Variants in NTN1 observed in about 807,000 individuals in gnomAD.
NTN1 encodes netrin 1.
NTN1 carries 11 observed loss-of-function variants against 54.2 expected under a neutral mutation model. The ratio of observed to expected loss-of-function variants is 0.20; its 90% CI spans 0.13 to 0.34. The LOEUF (loss-of-function observed/expected upper bound fraction) is 0.34, where lower values mean the gene tolerates loss of function less well. Among genes scored for constraint, NTN1 ranks in the 10% least tolerant of loss-of-function variants. The probability of loss-of-function intolerance (pLI) is 1.00; values close to 1 mark genes in which losing one functional copy is unlikely to be tolerated. For synonymous variants in NTN1, 371 were observed against 382.0 expected (o/e 0.97, Z 0.33); for missense variants, 740 against 893.1 (o/e 0.83, Z 2.18).
At chr17:9,075,437 A>C (rs2092046117) in intron 2 of NTN1, among the ~76,000 whole-genome samples, 1 of 152,164 alleles carries the variant, frequency 6.6e-6, no homozygotes, top group Non-Finnish European at 1.5e-5. Context: ...AGCCAAGATC[A>C]CGCCACTGCA....
At chr17:9,027,461 C>T (rs543807780) in intron 2 of NTN1, among the ~76,000 whole-genome samples, 4 of 152,150 alleles carry the variant, frequency 2.6e-5, no homozygotes, top group Non-Finnish European at 4.4e-5. Flanking sequence ...TCCAGCCTGA[C>T]GTTTGTGCTT....
At chr17:9,167,979 T>G (rs2092377583) in intron 3 of NTN1, among the ~76,000 whole-genome samples, 1 of 152,160 alleles carries the variant, frequency 6.6e-6, no homozygotes, top group Admixed American at 6.5e-5. Flanking sequence ...CTGGTTTAAT[T>G]AATGGGTCCA....
intron 5 of NTN1, among the ~76,000 whole-genome samples, chr17:9,204,935 T>TTG (rs955508455): frequency 2.0e-5 from 3 of 151,856 alleles, no homozygotes; most frequent in African/African-American, 4.8e-5. Flanking sequence ...CTCATTTTTT[T>TTG]TTTTTTCTGA....
At chr17:9,183,027 G>A (rs77908798) in intron 5 of NTN1, 58 bp downstream of exon 5, 28,716 of 1,550,702 alleles carry the variant, frequency 0.019, 1,367 homozygotes, top group African/African-American at 0.17. Context: ...GGGTGGTGGG[G>A]TGGGTTAATG....
intron 2 of NTN1, among the ~76,000 whole-genome samples, chr17:9,093,702 G>A (rs1466210521): frequency 4.6e-5 from 7 of 152,154 alleles, no homozygotes; most frequent in Admixed American, 2.6e-4. Context: ...GGCTGGGCGC[G>A]GTGGCTCACG....
intron 2 of NTN1, among the ~76,000 whole-genome samples, chr17:9,110,594 A>C (rs920571067): frequency 1.3e-5 from 2 of 152,006 alleles, no homozygotes; most frequent in Admixed American, 6.6e-5. Context: ...TTTTCTATCT[A>C]GGTGTGCTAG....
chr17:9,146,320 G>T (rs909333587), intron 2 of NTN1, among the ~76,000 whole-genome samples: 2 of 152,198 alleles, frequency 1.3e-5, no homozygotes, highest in African/African-American at 4.8e-5. Context: ...GGAAGTGGCA[G>T]GTGTGAACTG....
chr17:9,020,250 G>A (rs371105908), upstream of NTN1, among the ~76,000 whole-genome samples: 2 of 152,248 alleles, frequency 1.3e-5, no homozygotes, highest in African/African-American at 4.8e-5. Flanking sequence ...CTTTTCATCC[G>A]GGTCTATTAC....
At position 9,240,131 on chromosome 17, in the gene NTN1, C is replaced by A. The variant is rs1906152378; in HGVS notation, c.*163C>A. On this transcript the variant is annotated 3_prime_UTR_variant, in exon 7 of 7. Transcript: ENST00000173229. Reference sequence around the variant, plus strand: ...CGCGGGGGGCGGGACCCTCGGCGGCCCCTCCCCCTACCCCCACCCTGCGCG... The same window carrying A: ...CGCGGGGGGCGGGACCCTCGGCGGCACCTCCCCCTACCCCCACCCTGCGCG... 1.1e-5 allele frequency: 3 copies of A among 282,572 alleles called. No homozygotes were observed. The highest frequency in any genetic ancestry group is 1.6e-5 in the Non-Finnish European group (3 of 183,482). The allele number at this position is 282,572 out of a possible 1,614,324, so 17.5% of individuals were successfully genotyped here. A position where few individuals can be genotyped will look rare whatever the true frequency, so the allele number is the denominator to read the frequency against.
chr17:9,209,070 C>T (rs1024714508), intron 5 of NTN1, among the ~76,000 whole-genome samples: 8 of 152,242 alleles, frequency 5.3e-5, no homozygotes, highest in African/African-American at 1.4e-4. Context: ...AGCACCTTCT[C>T]ATCCTTCAGG....
At chr17:9,014,441 T>C in the NTN1 span, among the ~76,000 whole-genome samples, 2 of 152,176 alleles carry the variant, frequency 1.3e-5, no homozygotes. Context: ...TCCTTTCAGA[T>C]CCAAGTTTTA....
chr17:9,074,850 A>T (rs58231236), intron 2 of NTN1, among the ~76,000 whole-genome samples: 2,553 of 152,314 alleles, frequency 0.017, 65 homozygotes, highest in African/African-American at 0.058. Flanking sequence ...CCCAAGGGCA[A>T]TTCTCAAAGG....
Position 9,022,727 on chromosome 17 carries a change from G to A in NTN1, c.354G>A (p.Thr118=), listed in dbSNP as rs1300296611. Residue 118 remains threonine, a synonymous_variant, in exon 2 of 7, where the codon ACG becomes ACA. Transcript: ENST00000173229. The part of the protein sequence containing the change: ...LTDLNNPHNL[T]CWQSENYLQF... ...ACCTCAACAACCCGCACAACCTGAC[G>A]TGCTGGCAGTCCGAGAACTACCTGC... 1 of 1,606,206 alleles carries A rather than the reference G, an allele frequency of 6.2e-7. No individual in the cohort carries two copies. The highest frequency in any genetic ancestry group is 8.5e-7 in the Non-Finnish European group (1 of 1,177,092).
intron 2 of NTN1, among the ~76,000 whole-genome samples, chr17:9,073,584 A>G (rs2092039674): frequency 6.6e-6 from 1 of 152,228 alleles, no homozygotes; most frequent in East Asian, 1.9e-4. Flanking sequence ...ATCCTCCAGC[A>G]TCTGCCCTCC....
Position 9,058,385 on chromosome 17 carries a change from T to A in NTN1, c.1018+34994T>A, listed in dbSNP as rs116520735. Among the ~76,000 whole-genome samples, 950 of 152,144 alleles carry A rather than the reference T, an allele frequency of 6.2e-3. 15 individuals are homozygous for A. Among genetic ancestry groups the A allele is most frequent in the African/African-American group, 0.022 (893 of 41,524 alleles). ...TCAAACATCATCTAGGCCTTTCTTA[T>A]TGTCTCAGGTCATTCATATGAACAT... On this transcript the variant is annotated intron_variant, in intron 2 of 6. Coordinates refer to ENST00000173229, the MANE Select transcript of NTN1 (RefSeq NM_004822.3).
chr17:9,192,833 C>T (rs756896977), intron 5 of NTN1, among the ~76,000 whole-genome samples: 9 of 152,128 alleles, frequency 5.9e-5, no homozygotes, highest in South Asian at 2.1e-4. Flanking sequence ...GTAATCCCAG[C>T]GCTTTGGGAG....
chr17:9,168,259 A>T (rs1443611665), intron 3 of NTN1, among the ~76,000 whole-genome samples: 1 of 152,196 alleles, frequency 6.6e-6, no homozygotes, highest in African/African-American at 2.4e-5. Context: ...CTGGCCGGGC[A>T]CGGTGGCTCA....
chr17:9,129,354 G>A (rs968798559), intron 2 of NTN1, among the ~76,000 whole-genome samples: 1 of 152,106 alleles, frequency 6.6e-6, no homozygotes, highest in African/African-American at 2.4e-5. Context: ...GCTGAGGGGA[G>A]GTGGTGGAGC....
rs142568571 is a variant in NTN1, at chr17:9,235,623, A to G, written c.1487-4017A>G. 3.9e-4 allele frequency among the ~76,000 whole-genome samples: 60 copies of G among 152,320 alleles called. 1 individual carries two copies. The highest frequency in any genetic ancestry group is 1.4e-3 in the African/African-American group (57 of 41,568). On this transcript the variant is annotated intron_variant, in intron 6 of 6. Coordinates refer to ENST00000173229, the MANE Select transcript of NTN1 (RefSeq NM_004822.3). ...TGCGAAGTCCAAGATCAAGGTGCCA[A>G]CAGATTCAGAGTCTGGTGAGGGCTT...
Sources: gnomAD v4.1 joint callset for allele counts (sites outside exome capture counted in the v4.1 genomes callset) on GRCh38, gnomAD v4.1.1 for gene constraint, MANE v1.5 for transcripts, NCBI Gene and HGNC (gene_info 2026-07-23, HGNC 2026-07-21) for gene names.